The following PLD5 variants were observed in gnomAD, a reference collection of about 807,000 sequenced individuals.
The protein encoded by PLD5 is inactive phospholipase D5.
In PLD5, 36 loss-of-function variants were observed where a neutral mutation model predicts 61.1. The observed-to-expected ratio is 0.59, with a 90% CI of 0.45 to 0.78. PLD5 has a LOEUF of 0.78. Among genes scored for constraint, PLD5 ranks in the 30% least tolerant of loss-of-function variants. The probability of loss-of-function intolerance (pLI) is 0.00; values close to 1 mark genes in which losing one functional copy is unlikely to be tolerated. For synonymous variants in PLD5, 243 were observed against 242.8 expected, an observed-to-expected ratio of 1.00 and a Z score of -0.01; for missense variants, 515 against 644.4, an observed-to-expected ratio of 0.80 and a Z score of 2.17.
At chr1:242,320,718 T>A (rs1462310161) in intron 2 of PLD5, among the ~76,000 whole-genome samples, 2 of 152,124 alleles carry the variant, frequency 1.3e-5, no homozygotes, top group African/African-American at 2.4e-5. Context: ...ATACTTAGCA[T>A]CAACCTCGGT....
chr1:242,414,920 A>G (rs936647373), intron 1 of PLD5, among the ~76,000 whole-genome samples: 1 of 152,250 alleles, frequency 6.6e-6, no homozygotes, highest in East Asian at 1.9e-4. Context: ...AAAAAGACCA[A>G]TCACGCTATA....
intron 5 of PLD5, among the ~76,000 whole-genome samples, chr1:242,202,584 G>C (rs1669050309): frequency 6.6e-6 from 1 of 152,144 alleles, no homozygotes; most frequent in Non-Finnish European, 1.5e-5. Flanking sequence ...AGGCTGGATG[G>C]CTGTCCATCA....
intron 1 of PLD5, among the ~76,000 whole-genome samples, chr1:242,513,198 G>A (rs570802272): frequency 4.8e-4 from 73 of 152,122 alleles, no homozygotes; most frequent in East Asian, 1.5e-3. Flanking sequence ...AATTTTTGTC[G>A]CATATGACAT....
At chr1:242,115,415 C>G (rs1208327891) in intron 6 of PLD5, among the ~76,000 whole-genome samples, 1 of 152,082 alleles carries the variant, frequency 6.6e-6, no homozygotes, top group Non-Finnish European at 1.5e-5. Flanking sequence ...TTTCCCCAGC[C>G]TCTAGTATCT....
chr1:242,463,646 T>A (rs551308993), intron 1 of PLD5, among the ~76,000 whole-genome samples: 2 of 152,074 alleles, frequency 1.3e-5, no homozygotes, highest in African/African-American at 4.8e-5. Flanking sequence ...AGGACCTGCC[T>A]TCCCATCTAT....
chr1:242,457,541 G>C (rs557614578), intron 1 of PLD5, among the ~76,000 whole-genome samples: 1 of 152,130 alleles, frequency 6.6e-6, no homozygotes, highest in African/African-American at 2.4e-5. Context: ...CCAGGTGAAC[G>C]TCAATCTCCT....
At chr1:242,511,668 G>A (rs1403425593) in intron 1 of PLD5, among the ~76,000 whole-genome samples, 1 of 152,026 alleles carries the variant, frequency 6.6e-6, no homozygotes, top group Non-Finnish European at 1.5e-5. Flanking sequence ...CCGTCAAGGT[G>A]GTGAAAAATA....
At chr1:242,368,780 T>C (rs1661478011) in intron 1 of PLD5, among the ~76,000 whole-genome samples, 1 of 152,196 alleles carries the variant, frequency 6.6e-6, no homozygotes, top group South Asian at 2.1e-4. Flanking sequence ...GCTGCAGGCT[T>C]TCTCCCGTGC....
At chr1:242,495,534 T>C (rs377517121) in intron 1 of PLD5, among the ~76,000 whole-genome samples, 1 of 152,124 alleles carries the variant, frequency 6.6e-6, no homozygotes, top group Admixed American at 6.5e-5. Flanking sequence ...TGTTCAATGT[T>C]ACTGAGATGT....
chr1:242,171,079 C>A (rs558461505), intron 5 of PLD5, among the ~76,000 whole-genome samples: 1 of 152,212 alleles, frequency 6.6e-6, no homozygotes, highest in East Asian at 1.9e-4. Flanking sequence ...CCCCAAGACA[C>A]ATAATCGTCA....
chr1:242,320,050 G>A (rs1430732691), intron 2 of PLD5, among the ~76,000 whole-genome samples: 1 of 151,996 alleles, frequency 6.6e-6, no homozygotes, highest in Non-Finnish European at 1.5e-5. Flanking sequence ...ATGATTTTGT[G>A]TTCTTTTGTC....
chr1:242,115,527 T>C (rs11583242), intron 6 of PLD5, among the ~76,000 whole-genome samples: 3,170 of 152,242 alleles, frequency 0.021, 33 homozygotes, highest in Non-Finnish European at 0.03. Flanking sequence ...CTGTCATACA[T>C]AGCTAATAAT....
intron 1 of PLD5, among the ~76,000 whole-genome samples, chr1:242,425,238 G>A (rs540578538): frequency 2.4e-4 from 37 of 152,274 alleles, no homozygotes; most frequent in Middle Eastern, 3.4e-3. Flanking sequence ...GTGCACTTGC[G>A]CAAACCTAGA....
intron 4 of PLD5, among the ~76,000 whole-genome samples, chr1:242,221,217 C>T (rs1609953): frequency 0.3 from 46,191 of 152,058 alleles, 7,307 homozygotes; most frequent in East Asian, 0.53. Context: ...ATTTACAAAC[C>T]TCTCAAAAGG....
chr1:242,409,875 C>T lies in PLD5; in HGVS notation c.190-61633G>A, dbSNP rs143974965. ...ATGTGAAGGCAAAGGCAAGAAGACA[C>T]GGGAATCGCCATGTTTGGGTGGACC... On this transcript the variant is annotated intron_variant, in intron 1 of 9. Transcript: ENST00000536534. Among the ~76,000 whole-genome samples, 513 of 152,296 alleles carry T rather than the reference C, an allele frequency of 3.4e-3. 5 individuals are homozygous for T. Among genetic ancestry groups the T allele is most frequent in the African/African-American group, 0.011 (476 of 41,552 alleles).
chr1:242,341,031 C>A (rs1247890284), intron 2 of PLD5, among the ~76,000 whole-genome samples: 2 of 152,004 alleles, frequency 1.3e-5, no homozygotes, highest in African/African-American at 4.8e-5. Flanking sequence ...TGAAAAGGAA[C>A]CAGGGCTCAT....
At chr1:242,370,534 G>A (rs1661577788) in intron 1 of PLD5, among the ~76,000 whole-genome samples, 1 of 152,142 alleles carries the variant, frequency 6.6e-6, no homozygotes, top group Admixed American at 6.5e-5. Flanking sequence ...GGCTGTGTTT[G>A]TGACCCATTT....
rs1423464973 is a variant in PLD5, at chr1:242,273,917, T to C, written c.496-8469A>G. On this transcript the variant is annotated intron_variant, in intron 3 of 9. Coordinates refer to ENST00000536534, the MANE Select transcript of PLD5 (RefSeq NM_001372062.1). ...AGGAGCTGGGAGAGCCGAGGAATGC[T>C]GGCAGGCTCTGGAGCCACTGGAGGG... Among the ~76,000 whole-genome samples, 3 of 152,196 alleles carry C rather than the reference T, an allele frequency of 2.0e-5. No individual in the cohort carries two copies. The South Asian group carries it at 6.2e-4, about 31-fold the overall frequency.
chr1:242,500,893 G>C (rs574378135), intron 1 of PLD5, among the ~76,000 whole-genome samples: 1 of 152,296 alleles, frequency 6.6e-6, no homozygotes, highest in East Asian at 1.9e-4. Flanking sequence ...AGGTGACATA[G>C]AGGGAAGATG....
Sources: gnomAD v4.1 joint callset for allele counts (sites outside exome capture counted in the v4.1 genomes callset) on GRCh38, gnomAD v4.1.1 for gene constraint, MANE v1.5 for transcripts, NCBI Gene and HGNC (gene_info 2026-07-23, HGNC 2026-07-21) for gene names.